Variants in LAMA2 observed in about 807,000 individuals in gnomAD.
LAMA2 encodes laminin subunit alpha-2.
Under a neutral mutation model 364.8 loss-of-function variants are expected in LAMA2, and 269 were observed. The ratio of observed to expected loss-of-function variants is 0.74; its 90% CI spans 0.67 to 0.82. The LOEUF is 0.82. LAMA2 is among the 40% of genes least tolerant of loss of function. The pLI is 0.00. For synonymous variants in LAMA2, 1,379 were observed against 1,370.6 expected (o/e 1.01, Z -0.14); for missense variants, 3,807 against 3,873.2 (o/e 0.98, Z 0.45).
intron 2 of LAMA2, among the ~76,000 whole-genome samples, chr6:129,052,788 A>T (rs557254908): frequency 2.6e-4 from 40 of 152,162 alleles, no homozygotes; most frequent in Non-Finnish European, 5.0e-4. Flanking sequence ...AATGTATAAA[A>T]TGAGAGCTTT....
intron 20 of LAMA2, among the ~76,000 whole-genome samples, chr6:129,295,895 A>G (rs1405824228): frequency 3.3e-5 from 5 of 151,908 alleles, no homozygotes; most frequent in Non-Finnish European, 7.4e-5. Context: ...TATTATTTCT[A>G]TGACTCAGAT....
At chr6:129,223,970 T>A (rs1048867808) in intron 12 of LAMA2, among the ~76,000 whole-genome samples, 1 of 152,198 alleles carries the variant, frequency 6.6e-6, no homozygotes, top group Non-Finnish European at 1.5e-5. Context: ...ATTCTTCCTA[T>A]CCATAAGCAT....
At chr6:129,055,862 T>A (rs1363680333) in intron 2 of LAMA2, among the ~76,000 whole-genome samples, 2 of 152,260 alleles carry the variant, frequency 1.3e-5, no homozygotes, top group African/African-American at 4.8e-5. Flanking sequence ...CTGTTGAGGA[T>A]GTTATACGTT....
chr6:129,159,618 C>A (rs1181617992), intron 8 of LAMA2, among the ~76,000 whole-genome samples: 2 of 152,210 alleles, frequency 1.3e-5, no homozygotes, highest in African/African-American at 4.8e-5. Context: ...CTTACTTCTT[C>A]CTTTGCAATC....
Position 129,481,285 on chromosome 6 carries a change from C to G in LAMA2, c.7595C>G (p.Pro2532Arg). ...CAGAATGTTTACACAGTTAGCTTTCCTAAGCCTGGTTTTGTGGAGCTCTCC... is the reference window on the plus strand; with the variant it reads ...CAGAATGTTTACACAGTTAGCTTTCGTAAGCCTGGTTTTGTGGAGCTCTCC... ...SLENVYTVSF[P>R]KPGFVELSPV... The change falls in exon 55 of 65, where the codon CCT (proline) becomes CGT (arginine). Residue 2532 changes from proline to arginine, a missense_variant. Pro to Arg is a moderately radical substitution (Grantham distance 103). Coordinates refer to ENST00000421865, the MANE Select transcript of LAMA2 (RefSeq NM_000426.4). 6.2e-7 allele frequency: 1 copy of G among 1,613,708 alleles called. No homozygotes were observed. Among genetic ancestry groups the G allele is most frequent in the Non-Finnish European group, 8.5e-7 (1 of 1,179,768 alleles).
chr6:129,449,159 C>G (rs1419542666), intron 45 of LAMA2, among the ~76,000 whole-genome samples: 2 of 152,158 alleles, frequency 1.3e-5, no homozygotes, highest in Non-Finnish European at 2.9e-5. Context: ...AAACAGAAAG[C>G]AGGTAATCCA....
At chr6:129,008,295 G>T in intron 1 of LAMA2, among the ~76,000 whole-genome samples, 1 of 151,894 alleles carries the variant, frequency 6.6e-6, no homozygotes, top group East Asian at 1.9e-4. Flanking sequence ...GGGGATAGAA[G>T]GTAATATAAG....
chr6:129,052,878 G>A (rs1331926297), intron 2 of LAMA2, among the ~76,000 whole-genome samples: 1 of 151,970 alleles, frequency 6.6e-6, no homozygotes, highest in Admixed American at 6.6e-5. Flanking sequence ...GTTAAAGAGA[G>A]GCATGCATAG....
At chr6:129,009,553 C>A (rs1297299397) in intron 1 of LAMA2, among the ~76,000 whole-genome samples, 2 of 152,116 alleles carry the variant, frequency 1.3e-5, no homozygotes, top group Non-Finnish European at 2.9e-5. Context: ...TTTGTGCCTT[C>A]TCAAATGTCC....
At position 129,027,405 on chromosome 6, in the gene LAMA2, G is replaced by A. The variant is rs551730704; in HGVS notation, c.113-22513G>A. 5.3e-5 allele frequency among the ~76,000 whole-genome samples: 8 copies of A among 152,074 alleles called. No individual in the cohort carries two copies. The South Asian group carries it at 1.7e-3, about 32-fold the overall frequency. ...ATATCTCTGTGTTTTTTGTGGGTGA[G>A]ATATGTAGGCTAACATGTCGTAAGT... On this transcript the variant is annotated intron_variant, in intron 1 of 64. Coordinates refer to ENST00000421865, the MANE Select transcript of LAMA2 (RefSeq NM_000426.4).
chr6:129,349,833 T>C (rs921627123), intron 31 of LAMA2, among the ~76,000 whole-genome samples: 1 of 152,100 alleles, frequency 6.6e-6, no homozygotes, highest in African/African-American at 2.4e-5. Context: ...AGTGTATACA[T>C]AACTCAAAAT....
intron 12 of LAMA2, among the ~76,000 whole-genome samples, chr6:129,212,818 T>C (rs1783186435): frequency 6.6e-6 from 1 of 152,228 alleles, no homozygotes. Context: ...GCTGTGGCTT[T>C]TAATTTAAAT....
chr6:128,926,177 T>G (rs924160429), intron 1 of LAMA2, among the ~76,000 whole-genome samples: 1 of 152,056 alleles, frequency 6.6e-6, no homozygotes, highest in African/African-American at 2.4e-5. Flanking sequence ...CATGGGGAGG[T>G]AGAGTGTTGG....
At chr6:129,495,468 CTTAA>C (rs1785114322) in intron 58 of LAMA2, among the ~76,000 whole-genome samples, 1 of 152,172 alleles carries the variant, frequency 6.6e-6, no homozygotes, top group Non-Finnish European at 1.5e-5. Flanking sequence ...CCCTCCCTCC[CTTAA>C]TTGTTACCAT....
At chr6:129,090,986 G>A (rs368201975) in intron 3 of LAMA2, among the ~76,000 whole-genome samples, 1 of 151,964 alleles carries the variant, frequency 6.6e-6, no homozygotes, top group East Asian at 1.9e-4. Context: ...AATAAATCCC[G>A]CCATTCATTG....
chr6:128,929,810 T>A (rs1779341248), intron 1 of LAMA2: 1 of 1,052,736 alleles, frequency 9.5e-7, no homozygotes, highest in Non-Finnish European at 1.5e-6. Context: ...ACCCACAGAG[T>A]CTTGGTAGAA....
rs542542447 is a variant in LAMA2, at chr6:129,258,607, T to C, written c.2097-2104T>C. Among the ~76,000 whole-genome samples, 271 of 152,180 alleles carry C rather than the reference T, an allele frequency of 1.8e-3. 3 individuals are homozygous for C. The highest frequency in any genetic ancestry group is 5.9e-3 in the African/African-American group (245 of 41,554). On this transcript the variant is annotated intron_variant, in intron 14 of 64. Transcript: ENST00000421865. ...AGATATATGTCGTAGTTGCACAACATTGTAAATGTACTAAATCACAGAATT... is the reference window on the plus strand; with the variant it reads ...AGATATATGTCGTAGTTGCACAACACTGTAAATGTACTAAATCACAGAATT...
intron 32 of LAMA2, among the ~76,000 whole-genome samples, chr6:129,360,776 G>T (rs1206516690): frequency 6.6e-6 from 1 of 152,172 alleles, no homozygotes; most frequent in Non-Finnish European, 1.5e-5. Flanking sequence ...ATGGGCAGGG[G>T]ATAGAATAAA....
chr6:129,407,361 C>G (rs1396863287), intron 40 of LAMA2, among the ~76,000 whole-genome samples: 1 of 152,142 alleles, frequency 6.6e-6, no homozygotes, highest in African/African-American at 2.4e-5. Flanking sequence ...CATAATTATA[C>G]CTAACATAAT....
Sources: gnomAD v4.1 joint callset for allele counts (sites outside exome capture counted in the v4.1 genomes callset) on GRCh38, gnomAD v4.1.1 for gene constraint, MANE v1.5 for transcripts, NCBI Gene and HGNC (gene_info 2026-07-23, HGNC 2026-07-21) for gene names.